Variants in DDX10 observed in about 807,000 individuals in gnomAD.
DDX10 encodes the protein probable ATP-dependent RNA helicase DDX10.
DDX10 carries 74 observed loss-of-function variants against 104.3 expected under a neutral mutation model. That is an observed-to-expected ratio of 0.71 (90% CI 0.59 to 0.86). The LOEUF (loss-of-function observed/expected upper bound fraction) is 0.86. Ranked by LOEUF, DDX10 falls within the 40% of genes least tolerant of loss-of-function variation. The pLI, the probability that DDX10 is intolerant of heterozygous loss-of-function variation, is 0.00. For synonymous variants in DDX10, 351 were observed against 353.4 expected, an observed-to-expected ratio of 0.99 and a Z score of 0.08; for missense variants, 952 against 1,040.0, an observed-to-expected ratio of 0.92 and a Z score of 1.16.
At chr11:108,673,123 C>T (rs2094219188) in intron 1 of DDX10, among the ~76,000 whole-genome samples, 1 of 152,100 alleles carries the variant, frequency 6.6e-6, no homozygotes, top group Non-Finnish European at 1.5e-5. Flanking sequence ...ATTGAGATCC[C>T]TTGAAGGATG....
chr11:108,845,164 C>T (rs190912851), intron 15 of DDX10, among the ~76,000 whole-genome samples: 351 of 152,166 alleles, frequency 2.3e-3, no homozygotes, highest in Admixed American at 5.4e-3. Context: ...GCCGAGATCG[C>T]GCCACTGTAC....
intron 13 of DDX10, among the ~76,000 whole-genome samples, chr11:108,815,227 C>T (rs774891370): frequency 2.1e-4 from 32 of 152,128 alleles, no homozygotes; most frequent in Non-Finnish European, 4.4e-4. Flanking sequence ...CACAAACATA[C>T]AGACTCCTTT....
At chr11:108,904,598 T>G (rs1863565864) in intron 16 of DDX10, among the ~76,000 whole-genome samples, 1 of 152,194 alleles carries the variant, frequency 6.6e-6, no homozygotes, top group African/African-American at 2.4e-5. Flanking sequence ...GGGTTCCTAC[T>G]TGGAGAAGTG....
chr11:108,799,605 G>C (rs1329118702), intron 13 of DDX10, among the ~76,000 whole-genome samples: 1 of 152,130 alleles, frequency 6.6e-6, no homozygotes, highest in Non-Finnish European at 1.5e-5. Flanking sequence ...GGTTGCTTTA[G>C]GGCATTAAGT....
intron 13 of DDX10, among the ~76,000 whole-genome samples, chr11:108,811,509 TA>T (rs575668076): frequency 3.9e-5 from 6 of 152,290 alleles, no homozygotes; most frequent in African/African-American, 1.4e-4. Flanking sequence ...GGAAACAAAT[TA>T]AAAAGTTATT....
At chr11:108,679,219 T>C (rs2094230930) in intron 5 of DDX10, 152 bp from the exon 6 acceptor site, 3 of 653,318 alleles carry the variant, frequency 4.6e-6, no homozygotes, top group Non-Finnish European at 7.7e-6. Flanking sequence ...TTAACATTGC[T>C]ACATCATATA....
At chr11:108,724,037 AG>A in intron 13 of DDX10, among the ~76,000 whole-genome samples, 2 of 152,100 alleles carry the variant, frequency 1.3e-5, no homozygotes, top group Non-Finnish European at 2.9e-5. Context: ...ATTTAGATAA[AG>A]CACTTGTTTT....
At chr11:108,907,711 G>C (rs1241694872) in intron 16 of DDX10, among the ~76,000 whole-genome samples, 5 of 152,144 alleles carry the variant, frequency 3.3e-5, no homozygotes, top group Non-Finnish European at 7.3e-5. Context: ...CCCCATAATT[G>C]TAGGGGATCA....
rs1565295446 is a variant in DDX10, at chr11:108,841,485, T to C, written c.2247+9T>C. On this transcript the variant is annotated intron_variant, in intron 15 of 17. Coordinates refer to ENST00000322536, the MANE Select transcript of DDX10 (RefSeq NM_004398.4). ...TTAAGGCAAAGCATCGGGTAAGCTTTCCATCTTGAATTCATACTGAGTAAA... is the reference window on the plus strand; with the variant it reads ...TTAAGGCAAAGCATCGGGTAAGCTTCCCATCTTGAATTCATACTGAGTAAA... The C allele has an allele frequency of 6.2e-7, 1 of 1,612,816 alleles. No homozygotes were observed. The highest frequency in any genetic ancestry group is 8.5e-7 in the Non-Finnish European group (1 of 1,179,372).
intron 13 of DDX10, among the ~76,000 whole-genome samples, chr11:108,756,396 GT>G (rs2094344519): frequency 2.0e-5 from 3 of 152,012 alleles, no homozygotes; most frequent in African/African-American, 4.8e-5. Context: ...ACACAATGGA[GT>G]TTATAGTTGC....
At chr11:108,744,919 A>G (rs893454906) in intron 13 of DDX10, among the ~76,000 whole-genome samples, 1 of 152,170 alleles carries the variant, frequency 6.6e-6, no homozygotes, top group Non-Finnish European at 1.5e-5. Flanking sequence ...AGGTGAAGAA[A>G]GAGGGAAAGA....
At chr11:108,824,483 A>G (rs1862369646) in intron 13 of DDX10, among the ~76,000 whole-genome samples, 2 of 151,908 alleles carry the variant, frequency 1.3e-5, no homozygotes, top group African/African-American at 4.9e-5. Flanking sequence ...TTTGCTATGT[A>G]GCATATAAAA....
chr11:108,678,247 T>A lies in DDX10; in HGVS notation c.538-68T>A, dbSNP rs890149559. The A allele has an allele frequency of 3.3e-6, 5 of 1,510,160 alleles. No individual in the cohort carries two copies. The African/African-American group carries it at 7.0e-5, about 21-fold the overall frequency. 93.5% of individuals were successfully genotyped at this position (1,510,160 alleles called of 1,614,324 possible). ...ATGAAATGCCCATGCAGATGGCTTT[T>A]ATAGCTTTGGTACACAGGCTGCTGA... On this transcript the variant is annotated intron_variant, in intron 4 of 17. Coordinates refer to ENST00000322536, the MANE Select transcript of DDX10 (RefSeq NM_004398.4).
chr11:108,778,366 A>G (rs2094373008), intron 13 of DDX10, among the ~76,000 whole-genome samples: 1 of 152,240 alleles, frequency 6.6e-6, no homozygotes. Context: ...ATGGAACAGA[A>G]CAGAGCCCTT....
chr11:108,844,407 G>A (rs763512934), intron 15 of DDX10, among the ~76,000 whole-genome samples: 5 of 152,134 alleles, frequency 3.3e-5, no homozygotes, highest in Non-Finnish European at 7.4e-5. Context: ...CTTTGCAGTC[G>A]TGAGTACTGT....
At chr11:108,894,859 G>A (rs1034589389) in intron 16 of DDX10, among the ~76,000 whole-genome samples, 1 of 151,856 alleles carries the variant, frequency 6.6e-6, no homozygotes, top group Non-Finnish European at 1.5e-5. Flanking sequence ...GAGGAAAAAC[G>A]TCCTTTACTA....
At chr11:108,709,663 G>C (rs986321904) in intron 10 of DDX10, among the ~76,000 whole-genome samples, 2 of 151,456 alleles carry the variant, frequency 1.3e-5, no homozygotes, top group African/African-American at 4.9e-5. Context: ...GTATCCTTTT[G>C]TTTTCTTAGT....
chr11:108,729,320 A>T (rs1047578903), intron 13 of DDX10, among the ~76,000 whole-genome samples: 1 of 152,148 alleles, frequency 6.6e-6, no homozygotes, highest in Non-Finnish European at 1.5e-5. Context: ...AGATCTGCTC[A>T]TCTCCATCCA....
chr11:108,682,137 C>T (rs2094236184), intron 6 of DDX10, among the ~76,000 whole-genome samples: 2 of 151,544 alleles, frequency 1.3e-5, no homozygotes, highest in African/African-American at 4.9e-5. Context: ...TGGAGTCTTG[C>T]TCTGTCGCCC....
Sources: gnomAD v4.1 joint callset for allele counts (sites outside exome capture counted in the v4.1 genomes callset) on GRCh38, gnomAD v4.1.1 for gene constraint, MANE v1.5 for transcripts, NCBI Gene and HGNC (gene_info 2026-07-23, HGNC 2026-07-21) for gene names.